DCLRE1C: variants seen among roughly 807,000 people sequenced by gnomAD.
DCLRE1C encodes DNA cross-link repair 1C.
Under a neutral mutation model 61.4 loss-of-function variants are expected in DCLRE1C, and 47 were observed. The observed-to-expected ratio is 0.77, with a 90% CI of 0.61 to 0.98. DCLRE1C has a LOEUF of 0.98. DCLRE1C is among the 50% of genes least tolerant of loss of function. The pLI is 0.00. For synonymous variants in DCLRE1C, 337 were observed against 287.6 expected (o/e 1.17, Z -1.74); for missense variants, 858 against 816.0 (o/e 1.05, Z -0.63).
rs745402414 is a variant in DCLRE1C at position 14,935,419 on chromosome 10, AAAAATAAAAT to A, written c.464+34_464+43del. The A allele has an allele frequency of 5.7e-6, 9 of 1,589,192 alleles. No homozygotes were observed. The South Asian group carries it at 7.8e-5, about 14-fold the overall frequency. ...GCGACACAGCAAGACTCCATTTCACAAAAATAAAATAAAATAAAATAAAACCTATACGAGG... is the reference window on the plus strand; with the variant it reads ...GCGACACAGCAAGACTCCATTTCACAAAAATAAAATAAAACCTATACGAGG... On this transcript the variant is annotated intron_variant, in intron 6 of 13. Coordinates refer to ENST00000378278, the MANE Select transcript of DCLRE1C (RefSeq NM_001033855.3).
intron 4 of DCLRE1C, among the ~76,000 whole-genome samples, chr10:14,937,403 A>C (rs1388867382): frequency 6.8e-6 from 1 of 148,134 alleles, no homozygotes; most frequent in East Asian, 2.0e-4. Context: ...CTCCTGCCTC[A>C]GCCTCCCCAG....
chr10:14,934,552 G>C, intron 7 of DCLRE1C, 32 bp from the exon 8 acceptor site: 1 of 1,613,996 alleles, frequency 6.2e-7, no homozygotes, highest in Non-Finnish European at 8.5e-7. Context: ...CATTTAACAG[G>C]TGGAGAGCCG....
At chr10:14,932,530 A>T (rs1285692536) in intron 9 of DCLRE1C, among the ~76,000 whole-genome samples, 1 of 152,000 alleles carries the variant, frequency 6.6e-6, no homozygotes, top group Non-Finnish European at 1.5e-5. Flanking sequence ...CCAGCTACTC[A>T]GGAGGCTGAG....
downstream of DCLRE1C, among the ~76,000 whole-genome samples, chr10:14,904,502 T>TA (rs954889626): frequency 1.2e-4 from 18 of 152,148 alleles, no homozygotes; most frequent in African/African-American, 3.9e-4. Flanking sequence ...ATGTGATTTT[T>TA]AAAAAATCAG....
At chr10:14,934,832 T>A (rs1674129881) in intron 6 of DCLRE1C, 57 bp from the exon 7 acceptor site, 1 of 1,359,652 alleles carries the variant, frequency 7.4e-7, no homozygotes, top group Non-Finnish European at 1.1e-6. Context: ...TATGTGTAAC[T>A]TTTTTTGTTT....
intron 1 of DCLRE1C, among the ~76,000 whole-genome samples, chr10:14,953,492 TTG>T (rs1173297292): frequency 2.0e-5 from 3 of 151,820 alleles, no homozygotes; most frequent in Non-Finnish European, 2.9e-5. Flanking sequence ...TGTTCCACAG[TTG>T]TGTGTGTGTC....
chr10:14,921,433 G>A (rs41299684), intron 12 of DCLRE1C, among the ~76,000 whole-genome samples: 1 of 152,250 alleles, frequency 6.6e-6, no homozygotes, highest in East Asian at 1.9e-4. Context: ...TTAAGATCAA[G>A]CCTCCTGATT....
chr10:14,912,363 T>G, intron 13 of DCLRE1C, among the ~76,000 whole-genome samples: 1 of 152,046 alleles, frequency 6.6e-6, no homozygotes, highest in Admixed American at 6.5e-5. Flanking sequence ...GCCTCCTGTT[T>G]AAGCTACCTA....
chr10:14,939,892 C>G, intron 3 of DCLRE1C, 23 bp from the exon 4 acceptor site: 1 of 1,560,732 alleles, frequency 6.4e-7, no homozygotes, highest in Non-Finnish European at 8.8e-7. Context: ...AATAAGAGAC[C>G]ATGTATATAG....
chr10:14,954,227 C>T (rs1842863331), upstream of DCLRE1C: 1 of 694,396 alleles, frequency 1.4e-6, no homozygotes, highest in Non-Finnish European at 2.4e-6. Context: ...ATCACCCGCG[C>T]TTCGCTGCAC....
chr10:14,907,304 G>A lies in DCLRE1C; in HGVS notation c.*1104C>T, dbSNP rs917573102. Among the ~76,000 whole-genome samples the A allele has an allele frequency of 6.7e-6, 1 of 150,374 alleles. No individual in the cohort carries two copies. Among genetic ancestry groups the A allele is most frequent in the African/African-American group, 2.5e-5 (1 of 40,690 alleles). On this transcript the variant is annotated 3_prime_UTR_variant, in exon 14 of 14. Transcript: ENST00000378278. ...CATCAGTTTATCATACTAGATCCAA[G>A]TTTGTCAATTTAAATCAGGTGTGTT... is the stretch of plus-strand genomic sequence containing the variant.
At chr10:14,933,171 G>A (rs1209899298) in intron 8 of DCLRE1C, among the ~76,000 whole-genome samples, 1 of 152,170 alleles carries the variant, frequency 6.6e-6, no homozygotes, top group Non-Finnish European at 1.5e-5. Flanking sequence ...ACTGACGTCA[G>A]TGAACAATTA....
At chr10:14,936,326 C>CTT (rs201889030) in intron 5 of DCLRE1C, among the ~76,000 whole-genome samples, 347 of 137,200 alleles carry the variant, frequency 2.5e-3, no homozygotes, top group Middle Eastern at 0.011. Flanking sequence ...TTCTTTCTTT[C>CTT]TTTTTTTTTT....
chr10:14,900,763 A>G (rs946055228), downstream of DCLRE1C, among the ~76,000 whole-genome samples: 2 of 152,152 alleles, frequency 1.3e-5, no homozygotes, highest in African/African-American at 4.8e-5. Flanking sequence ...TAGTTATTTT[A>G]AAGTGTATGC....
At chr10:14,920,625 G>A (rs1836946842) in intron 12 of DCLRE1C, among the ~76,000 whole-genome samples, 1 of 152,062 alleles carries the variant, frequency 6.6e-6, no homozygotes, top group Admixed American at 6.6e-5. Context: ...TATTCTCCTG[G>A]GTTAACTTTT....
At chr10:14,899,106 G>C in exon 14 of DCLRE1C, 1 of 637,196 alleles carries the variant, frequency 1.6e-6, no homozygotes, top group East Asian at 2.7e-5. Context: ...GCTCACTTGA[G>C]CCCAGGAGTT....
rs1834359506 is a variant in DCLRE1C, at chr10:14,905,974, T to C, written c.*2434A>G. ...TCCAGCCTGAGTGACAGAGCGAGAC[T>C]CCATCTTGAAAAGTAAAAAACAAAA... On this transcript the variant is annotated 3_prime_UTR_variant, in exon 14 of 14. Coordinates refer to ENST00000378278, the MANE Select transcript of DCLRE1C (RefSeq NM_001033855.3). 6.6e-6 allele frequency among the ~76,000 whole-genome samples: 1 copy of C among 152,172 alleles called. No individual in the cohort carries two copies. Among genetic ancestry groups the C allele is most frequent in the African/African-American group, 2.4e-5 (1 of 41,438 alleles).
Position 14,932,863 on chromosome 10 carries a change from C to T in DCLRE1C, c.771G>A (p.Arg257=), listed in dbSNP as rs983929092. The T allele has an allele frequency of 3.7e-6, 6 of 1,614,160 alleles. No individual in the cohort carries two copies. The change falls in exon 9 of 14, where the codon CGG becomes CGA. Residue 257 remains arginine, a synonymous_variant. Coordinates refer to ENST00000378278, the MANE Select transcript of DCLRE1C (RefSeq NM_001033855.3). ...TCACTTGCACACGTACCTTGGGATGCCGGCATGCATGGATCTGAGTGTTGC... is the reference window on the plus strand; with the variant it reads ...TCACTTGCACACGTACCTTGGGATGTCGGCATGCATGGATCTGAGTGTTGC... The part of the protein sequence containing the change: ...TDRNTQIHAC[R]HPKAEEYFQW...
At position 14,907,013 on chromosome 10, in the gene DCLRE1C, T is replaced by C. The variant is rs1484035935; in HGVS notation, c.*1395A>G. Among the ~76,000 whole-genome samples the C allele has an allele frequency of 6.6e-6, 1 of 151,922 alleles. No individual in the cohort carries two copies. The highest frequency in any genetic ancestry group is 2.4e-5 in the African/African-American group (1 of 41,322). On this transcript the variant is annotated 3_prime_UTR_variant, in exon 14 of 14. Coordinates refer to ENST00000378278, the MANE Select transcript of DCLRE1C (RefSeq NM_001033855.3). Reference sequence around the variant, plus strand: ...CCTTCCAAGTAGCGAGGACTACAGGTGCACACCACCATGTCTGGCTAACAT... The same window carrying C: ...CCTTCCAAGTAGCGAGGACTACAGGCGCACACCACCATGTCTGGCTAACAT...
Sources: allele counts gnomAD v4.1 joint callset (sites outside exome capture counted in the v4.1 genomes callset), GRCh38; gene constraint gnomAD v4.1.1; transcripts MANE v1.5; gene names NCBI Gene and HGNC (gene_info 2026-07-23, HGNC 2026-07-21).